The following NEO1 variants were observed in gnomAD, a reference collection of about 807,000 sequenced individuals.
NEO1 encodes the protein neogenin 1, also known as neogenin.
NEO1 carries 63 observed loss-of-function variants against 159.7 expected under a neutral mutation model. The ratio of observed to expected loss-of-function variants is 0.39; its 90% CI spans 0.32 to 0.49. The LOEUF is 0.49. NEO1 is among the 20% of genes least tolerant of loss of function. The probability of loss-of-function intolerance (pLI) is 0.85; values close to 1 mark genes in which losing one functional copy is unlikely to be tolerated. For missense variants in NEO1, 1,615 were observed against 1,831.0 expected, an observed-to-expected ratio of 0.88 and a Z score of 2.15; for synonymous variants, 633 against 662.0, an observed-to-expected ratio of 0.96 and a Z score of 0.67.
intron 9 of NEO1, among the ~76,000 whole-genome samples, chr15:73,248,546 G>A (rs2039915601): frequency 1.3e-5 from 2 of 152,282 alleles, no homozygotes; most frequent in East Asian, 1.9e-4. Flanking sequence ...TTGACTCCAA[G>A]AATTCTTCAT....
At chr15:73,137,697 A>G (rs771880039) in intron 5 of NEO1, among the ~76,000 whole-genome samples, 2 of 152,162 alleles carry the variant, frequency 1.3e-5, no homozygotes, top group Non-Finnish European at 2.9e-5. Context: ...GGGTTTCACC[A>G]TGTTGCCCAG....
intron 5 of NEO1, among the ~76,000 whole-genome samples, chr15:73,172,472 G>T (rs1204009335): frequency 6.6e-6 from 1 of 152,186 alleles, no homozygotes; most frequent in Non-Finnish European, 1.5e-5. Flanking sequence ...ATTGGCTAAA[G>T]ATCTTAGTGT....
chr15:73,180,558 G>T (rs964582695), intron 7 of NEO1, among the ~76,000 whole-genome samples: 2 of 151,780 alleles, frequency 1.3e-5, no homozygotes, highest in Non-Finnish European at 2.9e-5. Flanking sequence ...AGCTATTTGG[G>T]GTATATTTAT....
chr15:73,218,024 T>C (rs1263287348), intron 7 of NEO1, among the ~76,000 whole-genome samples: 2 of 152,146 alleles, frequency 1.3e-5, no homozygotes, highest in Non-Finnish European at 2.9e-5. Context: ...AGGGAATGCT[T>C]CCAGTTTTTG....
intron 28 of NEO1, 35 bp from the exon 29 acceptor site, chr15:73,302,578 G>A (rs1263617104): frequency 1.3e-6 from 2 of 1,596,442 alleles, no homozygotes; most frequent in Admixed American, 3.4e-5. Context: ...CTGCTCCCTG[G>A]ATCCAGCCCA....
chr15:73,140,317 A>G (rs1166921901), intron 5 of NEO1, among the ~76,000 whole-genome samples: 1 of 152,180 alleles, frequency 6.6e-6, no homozygotes, highest in Non-Finnish European at 1.5e-5. Flanking sequence ...GCACTTTGAG[A>G]GGCTGAGGCA....
At chr15:73,179,438 A>G (rs972547609) in intron 7 of NEO1, among the ~76,000 whole-genome samples, 1 of 152,176 alleles carries the variant, frequency 6.6e-6, no homozygotes, top group Non-Finnish European at 1.5e-5. Context: ...AGGGTTGGGG[A>G]AAGCTGCTTA....
chr15:73,244,546 T>C, intron 9 of NEO1, 48 bp downstream of exon 9: 1 of 1,584,202 alleles, frequency 6.3e-7, no homozygotes, highest in South Asian at 1.1e-5. Context: ...TAGACCTCTC[T>C]GAAGTTCTAC....
chr15:73,097,224 G>A (rs1358891368), intron 1 of NEO1, among the ~76,000 whole-genome samples: 1 of 152,158 alleles, frequency 6.6e-6, no homozygotes, highest in African/African-American at 2.4e-5. Flanking sequence ...TGGTATCATT[G>A]CTTACAAAAA....
At chr15:73,084,543 C>G (rs890582571) in intron 1 of NEO1, among the ~76,000 whole-genome samples, 6 of 152,104 alleles carry the variant, frequency 3.9e-5, no homozygotes, top group Non-Finnish European at 8.8e-5. Flanking sequence ...TTTATCCATT[C>G]ATCTGTTGAT....
At chr15:73,247,616 T>G (rs2039863160) in intron 9 of NEO1, among the ~76,000 whole-genome samples, 1 of 152,232 alleles carries the variant, frequency 6.6e-6, no homozygotes, top group Admixed American at 6.5e-5. Context: ...AAAATTAATC[T>G]TAAGCTGTGG....
intron 1 of NEO1, among the ~76,000 whole-genome samples, chr15:73,106,116 A>G (rs1329516445): frequency 1.3e-5 from 2 of 152,148 alleles, no homozygotes; most frequent in African/African-American, 2.4e-5. Context: ...AAATCCTTCC[A>G]TTTTTACTGT....
intron 4 of NEO1, among the ~76,000 whole-genome samples, chr15:73,128,197 T>C (rs1269875730): frequency 6.6e-6 from 1 of 152,130 alleles, no homozygotes; most frequent in Non-Finnish European, 1.5e-5. Context: ...TCCACTCCTC[T>C]TTCCAGCTAA....
chr15:73,079,754 C>T (rs1345262714), intron 1 of NEO1, among the ~76,000 whole-genome samples: 3 of 152,092 alleles, frequency 2.0e-5, no homozygotes, highest in Admixed American at 6.5e-5. Context: ...ATTTCCTGGG[C>T]GGAAACGATA....
intron 7 of NEO1, among the ~76,000 whole-genome samples, chr15:73,195,920 A>G (rs557381513): frequency 6.6e-6 from 1 of 152,370 alleles, no homozygotes; most frequent in South Asian, 2.1e-4. Context: ...TGCATCTTAA[A>G]AAATGCTAAT....
chr15:73,192,084 A>G (rs2036264116), intron 7 of NEO1, among the ~76,000 whole-genome samples: 2 of 152,032 alleles, frequency 1.3e-5, no homozygotes, highest in Non-Finnish European at 2.9e-5. Flanking sequence ...ATGAATAATT[A>G]TACCTTTTAT....
chr15:73,227,644 A>G (rs2038666005), intron 7 of NEO1, among the ~76,000 whole-genome samples: 1 of 152,258 alleles, frequency 6.6e-6, no homozygotes, highest in South Asian at 2.1e-4. Context: ...GCATTTGAGC[A>G]GCAGGTCAGA....
intron 1 of NEO1, among the ~76,000 whole-genome samples, chr15:73,113,130 A>G (rs186272880): frequency 4.0e-5 from 6 of 149,418 alleles, no homozygotes; most frequent in Non-Finnish European, 2.9e-5. Flanking sequence ...GTAACTAACA[A>G]GTGGAGTCCC....
chr15:73,135,027 A>G (rs1272700202), intron 4 of NEO1, among the ~76,000 whole-genome samples: 1 of 152,170 alleles, frequency 6.6e-6, no homozygotes, highest in Non-Finnish European at 1.5e-5. Flanking sequence ...CATCTCTGAA[A>G]GTGACTTTTA....
Sources: gnomAD v4.1 joint callset for allele counts (sites outside exome capture counted in the v4.1 genomes callset) on GRCh38, gnomAD v4.1.1 for gene constraint, MANE v1.5 for transcripts, NCBI Gene and HGNC (gene_info 2026-07-23, HGNC 2026-07-21) for gene names.